TMEFF2: variants seen among roughly 807,000 people sequenced by gnomAD.
TMEFF2 encodes tomoregulin-2.
Under a neutral mutation model 53.8 loss-of-function variants are expected in TMEFF2, and 28 were observed. The ratio of observed to expected loss-of-function variants is 0.52; its 90% confidence interval spans 0.39 to 0.71. The LOEUF is 0.71. Ranked by LOEUF, TMEFF2 falls within the 30% of genes least tolerant of loss-of-function variation. The pLI is 0.00. For synonymous variants in TMEFF2, 162 were observed against 166.3 expected (o/e 0.97, Z 0.20); for missense variants, 353 against 455.2 (o/e 0.78, Z 2.04).
chr2:191,987,905 A>G (rs1291366773), intron 7 of TMEFF2, among the ~76,000 whole-genome samples: 1 of 152,194 alleles, frequency 6.6e-6, no homozygotes, highest in Non-Finnish European at 1.5e-5. Flanking sequence ...AAATGAGCCT[A>G]TTCCAGTGGT....
rs796796150 is a variant in TMEFF2 at position 192,057,219 on chromosome 2, A to AT, written c.536+459dup. On this transcript the variant is annotated intron_variant, in intron 5 of 9. Coordinates refer to ENST00000272771, the MANE Select transcript of TMEFF2 (RefSeq NM_016192.4). ...TGACCATACCCAGCTAATTATTATT[A>AT]TTTTTTTTTATGGAGATGTGGGTCT... Among the ~76,000 whole-genome samples the AT allele has an allele frequency of 3.9e-4, 19 of 48,622 alleles. No individual in the cohort carries two copies. In the East Asian group the frequency reaches 4.5e-3, roughly 12 times the overall value. 31.9% of individuals were successfully genotyped at this position (48,622 alleles called of 152,430 possible).
intron 4 of TMEFF2, among the ~76,000 whole-genome samples, chr2:192,148,960 C>T (rs1438105031): frequency 6.6e-6 from 1 of 151,722 alleles, no homozygotes; most frequent in Non-Finnish European, 1.5e-5. Flanking sequence ...CCAGGAGGTC[C>T]CTAAGTCCCA....
At chr2:192,116,776 A>G (rs939412592) in intron 4 of TMEFF2, among the ~76,000 whole-genome samples, 4 of 152,066 alleles carry the variant, frequency 2.6e-5, no homozygotes, top group African/African-American at 9.7e-5. Context: ...ATATAAATTA[A>G]GACTGCTGCC....
At chr2:192,062,376 A>T (rs1170796195) in intron 4 of TMEFF2, among the ~76,000 whole-genome samples, 1 of 152,286 alleles carries the variant, frequency 6.6e-6, no homozygotes, top group East Asian at 1.9e-4. Flanking sequence ...GATACACTGC[A>T]GGTTATTTAT....
intron 4 of TMEFF2, among the ~76,000 whole-genome samples, chr2:192,091,732 T>C (rs2105935156): frequency 6.6e-6 from 1 of 152,248 alleles, no homozygotes; most frequent in East Asian, 1.9e-4. Context: ...AATATTAATT[T>C]GGAGGTTATT....
chr2:192,186,929 T>C (rs1195723756), intron 2 of TMEFF2, among the ~76,000 whole-genome samples: 1 of 152,206 alleles, frequency 6.6e-6, no homozygotes, highest in Non-Finnish European at 1.5e-5. Context: ...AGTGCTCATA[T>C]GCCGCTTCTG....
At chr2:192,132,424 A>G (rs1689864147) in intron 4 of TMEFF2, among the ~76,000 whole-genome samples, 1 of 152,138 alleles carries the variant, frequency 6.6e-6, no homozygotes, top group Non-Finnish European at 1.5e-5. Flanking sequence ...CTAAAAGGTC[A>G]AAAGGCCATC....
At chr2:192,051,246 G>A (rs1179841491) in intron 5 of TMEFF2, among the ~76,000 whole-genome samples, 3 of 90,564 alleles carry the variant, frequency 3.3e-5, no homozygotes, top group Non-Finnish European at 5.0e-5. Context: ...TTTTTTCATT[G>A]TCTCCATGAG....
chr2:192,008,063 G>T (rs1686543159), intron 5 of TMEFF2, among the ~76,000 whole-genome samples: 1 of 152,288 alleles, frequency 6.6e-6, no homozygotes, highest in East Asian at 1.9e-4. Flanking sequence ...TTTCCTCATA[G>T]GGAGAGTTTT....
intron 4 of TMEFF2, among the ~76,000 whole-genome samples, chr2:192,089,624 C>T (rs1475902741): frequency 6.6e-6 from 1 of 152,130 alleles, no homozygotes; most frequent in Non-Finnish European, 1.5e-5. Flanking sequence ...TTCCCACAGC[C>T]ACCATCCTAG....
intron 7 of TMEFF2, among the ~76,000 whole-genome samples, chr2:191,972,441 G>A (rs983601742): frequency 1.3e-5 from 2 of 151,118 alleles, no homozygotes; most frequent in East Asian, 1.9e-4. Context: ...GGGATTACAG[G>A]CATGAACCAC....
chr2:192,045,654 A>G (rs1687600646), intron 5 of TMEFF2, among the ~76,000 whole-genome samples: 1 of 152,128 alleles, frequency 6.6e-6, no homozygotes, highest in Non-Finnish European at 1.5e-5. Context: ...GCTCAGCGAC[A>G]TAGACTCCTA....
intron 9 of TMEFF2, 113 bp downstream of exon 9, chr2:191,953,566 G>A: frequency 5.9e-6 from 7 of 1,187,598 alleles, no homozygotes; most frequent in Non-Finnish European, 8.2e-6. Context: ...AGGACTCATA[G>A]AGAATGGATG....
chr2:191,949,328 G>A lies in TMEFF2; in HGVS notation c.*983C>T, dbSNP rs1056012872. ...CATCTCTCTGTTTTCATGAAATATCGTCATCATCATCTTAGTTCCATTACA... is the reference window on the plus strand; with the variant it reads ...CATCTCTCTGTTTTCATGAAATATCATCATCATCATCTTAGTTCCATTACA... On this transcript the variant is annotated 3_prime_UTR_variant, in exon 10 of 10. Coordinates refer to ENST00000272771, the MANE Select transcript of TMEFF2 (RefSeq NM_016192.4). 6.5e-5 allele frequency: 64 copies of A among 985,086 alleles called. No individual in the cohort carries two copies. The highest frequency in any genetic ancestry group is 4.5e-4 in the East Asian group (4 of 8,826). The allele number at this position is 985,086 out of a possible 1,614,324, so 61.0% of individuals were successfully genotyped here. A position where few individuals can be genotyped will look rare whatever the true frequency, so the allele number is the denominator to read the frequency against.
At chr2:192,053,116 G>C (rs1258319351) in intron 5 of TMEFF2, among the ~76,000 whole-genome samples, 2 of 152,128 alleles carry the variant, frequency 1.3e-5, no homozygotes, top group Non-Finnish European at 2.9e-5. Context: ...TCTTAGATTA[G>C]ATTACAAGCC....
At chr2:192,132,799 G>A (rs1689878558) in intron 4 of TMEFF2, among the ~76,000 whole-genome samples, 1 of 152,146 alleles carries the variant, frequency 6.6e-6, no homozygotes, top group Non-Finnish European at 1.5e-5. Context: ...AAATCGGAGT[G>A]TTCAACTCAC....
intron 7 of TMEFF2, among the ~76,000 whole-genome samples, chr2:191,974,558 A>G (rs1402171072): frequency 1.3e-5 from 2 of 152,194 alleles, no homozygotes; most frequent in Admixed American, 6.5e-5. Flanking sequence ...AAAGTTCACA[A>G]CCTAAAGAAG....
chr2:192,086,331 C>A (rs1389557304), intron 4 of TMEFF2, among the ~76,000 whole-genome samples: 1 of 152,144 alleles, frequency 6.6e-6, no homozygotes, highest in Admixed American at 6.6e-5. Flanking sequence ...GTAAAGATAA[C>A]TGCAATTATC....
At chr2:192,056,024 A>G (rs1375239939) in intron 5 of TMEFF2, among the ~76,000 whole-genome samples, 2 of 152,134 alleles carry the variant, frequency 1.3e-5, no homozygotes, top group Non-Finnish European at 2.9e-5. Context: ...TTACCCTAAG[A>G]ACCACCATTT....
Sources: allele counts gnomAD v4.1 joint callset (sites outside exome capture counted in the v4.1 genomes callset), GRCh38; gene constraint gnomAD v4.1.1; transcripts MANE v1.5; gene names NCBI Gene and HGNC (gene_info 2026-07-23, HGNC 2026-07-21).